OR2L13: variants seen among roughly 807,000 people sequenced by gnomAD.
OR2L13 encodes olfactory receptor 2L13.
Under a neutral mutation model 15.3 loss-of-function variants are expected in OR2L13, and 14 were observed. The observed-to-expected ratio is 0.91, with a 90% CI of 0.60 to 1.43. OR2L13 has a LOEUF of 1.43. Ranked by LOEUF, OR2L13 falls within the 40% of genes most tolerant of loss-of-function variation. The pLI is 0.00. For synonymous variants in OR2L13, 152 were observed against 142.9 expected (o/e 1.06, Z -0.45); for missense variants, 367 against 387.9 (o/e 0.95, Z 0.45).
At chr1:248,040,085 A>T in the OR2L13 span, 3 of 152,226 alleles carry the variant, frequency 2.0e-5, no homozygotes, top group African/African-American at 4.8e-5. Flanking sequence ...GGGTATTTTC[A>T]TGCAAGACAT....
At chr1:247,971,205 G>GT in the OR2L13 span, among the ~76,000 whole-genome samples, 3 of 152,010 alleles carry the variant, frequency 2.0e-5, no homozygotes, top group Non-Finnish European at 4.4e-5. Flanking sequence ...CCTGGAGACT[G>GT]TTTTTTTACT....
At chr1:247,945,670 C>T in the OR2L13 span, among the ~76,000 whole-genome samples, 46 of 152,194 alleles carry the variant, frequency 3.0e-4, no homozygotes, top group African/African-American at 8.9e-4. Context: ...TTTATGCATC[C>T]GGGTGCTCCT....
the OR2L13 span, among the ~76,000 whole-genome samples, chr1:248,071,291 C>G: frequency 6.6e-6 from 1 of 152,074 alleles, no homozygotes; most frequent in East Asian, 1.9e-4. Context: ...ATCAAGTGGG[C>G]TTCATCCCTG....
the OR2L13 span, among the ~76,000 whole-genome samples, chr1:247,941,043 T>C: frequency 6.6e-6 from 1 of 152,218 alleles, no homozygotes; most frequent in Non-Finnish European, 1.5e-5. Flanking sequence ...GCCACTTGTA[T>C]GTCTTCTTCA....
the OR2L13 span, among the ~76,000 whole-genome samples, chr1:247,980,638 A>G: frequency 1.3e-5 from 2 of 152,190 alleles, no homozygotes; most frequent in East Asian, 3.8e-4. Context: ...AGGCCATCCT[A>G]TGTTATTAGT....
At chr1:247,940,513 C>T in the OR2L13 span, among the ~76,000 whole-genome samples, 1 of 151,990 alleles carries the variant, frequency 6.6e-6, no homozygotes, top group African/African-American at 2.4e-5. Flanking sequence ...TGTTACTTTG[C>T]CTTCTATAAT....
chr1:248,085,427 A>AAAAT, the OR2L13 span, among the ~76,000 whole-genome samples: 1 of 115,384 alleles, frequency 8.7e-6, no homozygotes, highest in African/African-American at 3.6e-5. Context: ...ATAATAAAAT[A>AAAAT]AAATAAAATA....
the OR2L13 span, among the ~76,000 whole-genome samples, chr1:247,950,061 G>GAAATGA: frequency 6.6e-6 from 1 of 150,886 alleles, no homozygotes; most frequent in Non-Finnish European, 1.5e-5. Flanking sequence ...TGGTCATGCA[G>GAAATGA]AAATGAAAAT....
chr1:247,937,543 GGGACTCCTCCCCTCCCATCAGCAGCTCA>G, the OR2L13 span: 211 of 159,406 alleles, frequency 1.3e-3, no homozygotes, highest in African/African-American at 5.1e-3. Context: ...GCTGGTTCAG[GGGACTCCTCCCCTCCCATCAGCAGCTCA>G]GGGATGGGGC....
At chr1:247,995,508 G>A in the OR2L13 span, among the ~76,000 whole-genome samples, 52 of 152,268 alleles carry the variant, frequency 3.4e-4, no homozygotes, top group East Asian at 7.1e-3. Flanking sequence ...AGCCTGCAAA[G>A]TGTTTATAGA....
At chr1:248,003,355 C>T in the OR2L13 span, 2 of 1,604,568 alleles carry the variant, frequency 1.2e-6, no homozygotes, top group Middle Eastern at 1.7e-4. Flanking sequence ...ACATCTCCAC[C>T]ATTGTTCCTA....
chr1:248,024,348 G>C, the OR2L13 span: 1 of 152,224 alleles, frequency 6.6e-6, no homozygotes, highest in Admixed American at 6.5e-5. Context: ...AAAGATGATA[G>C]AGTAAAATGA....
the OR2L13 span, among the ~76,000 whole-genome samples, chr1:248,024,842 A>T: frequency 6.6e-6 from 1 of 152,180 alleles, no homozygotes; most frequent in Non-Finnish European, 1.5e-5. Flanking sequence ...AGGTAGTGTG[A>T]TGCCCCCAGC....
the OR2L13 span, among the ~76,000 whole-genome samples, chr1:247,944,760 A>C: frequency 2.6e-5 from 4 of 152,152 alleles, no homozygotes; most frequent in Non-Finnish European, 5.9e-5. Flanking sequence ...ATAGTGCTGC[A>C]ATGGACATAC....
chr1:248,052,775 C>A, the OR2L13 span, among the ~76,000 whole-genome samples: 1 of 151,454 alleles, frequency 6.6e-6, no homozygotes, highest in Non-Finnish European at 1.5e-5. Context: ...AAATTTTGTT[C>A]TTTTTCCAAA....
At chr1:247,991,872 T>C in the OR2L13 span, among the ~76,000 whole-genome samples, 5,479 of 149,514 alleles carry the variant, frequency 0.037, 689 homozygotes, top group African/African-American at 0.13. Context: ...GGCCATTGCT[T>C]TCCAGAAGAG....
chr1:247,957,734 G>T, the OR2L13 span, among the ~76,000 whole-genome samples: 2 of 152,162 alleles, frequency 1.3e-5, no homozygotes, highest in South Asian at 2.1e-4. Flanking sequence ...TTGCGTAGAG[G>T]TGTTTGTAGT....
At chr1:248,026,569 T>A in the OR2L13 span, among the ~76,000 whole-genome samples, 52 of 152,294 alleles carry the variant, frequency 3.4e-4, no homozygotes, top group African/African-American at 1.2e-3. Context: ...TACTGCATGA[T>A]CTCACTTATA....
the OR2L13 span, among the ~76,000 whole-genome samples, chr1:247,987,365 T>C: frequency 6.6e-6 from 1 of 152,192 alleles, no homozygotes; most frequent in Non-Finnish European, 1.5e-5. Context: ...CTTTTTTTCT[T>C]CTTTTGTTCT....
Sources: gnomAD v4.1 joint callset for allele counts (sites outside exome capture counted in the v4.1 genomes callset) on GRCh38, gnomAD v4.1.1 for gene constraint, MANE v1.5 for transcripts, NCBI Gene and HGNC (gene_info 2026-07-23, HGNC 2026-07-21) for gene names.